PPARGC1A: variants seen among roughly 807,000 people sequenced by gnomAD.
PPARGC1A encodes the protein peroxisome proliferator-activated receptor gamma coactivator 1-alpha.
In PPARGC1A, 25 loss-of-function variants were observed where a neutral mutation model predicts 88.7. The ratio of observed to expected loss-of-function variants is 0.28; its 90% CI spans 0.21 to 0.39. The LOEUF (loss-of-function observed/expected upper bound fraction) is 0.39. PPARGC1A is among the 10% of genes least tolerant of loss of function. The probability of loss-of-function intolerance (pLI) is 1.00; values close to 1 mark genes in which losing one functional copy is unlikely to be tolerated. For missense variants in PPARGC1A, 880 were observed against 968.7 expected (o/e 0.91, Z 1.22); for synonymous variants, 363 against 355.6 (o/e 1.02, Z -0.24).
the PPARGC1A span, among the ~76,000 whole-genome samples, chr4:23,941,115 G>A: frequency 2.0e-5 from 3 of 152,142 alleles, no homozygotes; most frequent in African/African-American, 7.2e-5. Context: ...CAATGGTGCA[G>A]TCATAGCTCA....
the PPARGC1A span, among the ~76,000 whole-genome samples, chr4:23,978,099 A>G: frequency 6.6e-6 from 1 of 152,188 alleles, no homozygotes; most frequent in Non-Finnish European, 1.5e-5. Context: ...CAAATGTCCA[A>G]TTTGCATCCT....
the PPARGC1A span, among the ~76,000 whole-genome samples, chr4:24,319,010 CA>C: frequency 6.6e-6 from 1 of 151,890 alleles, no homozygotes; most frequent in Non-Finnish European, 1.5e-5. Context: ...AACAAACAAA[CA>C]AAATGAATTG....
At chr4:24,093,828 G>C in the PPARGC1A span, among the ~76,000 whole-genome samples, 3 of 152,126 alleles carry the variant, frequency 2.0e-5, no homozygotes, top group Non-Finnish European at 2.9e-5. Flanking sequence ...GTGTCCCTGG[G>C]CAGGTTACTC....
At chr4:24,337,562 G>A in the PPARGC1A span, among the ~76,000 whole-genome samples, 2 of 152,064 alleles carry the variant, frequency 1.3e-5, no homozygotes, top group African/African-American at 2.4e-5. Flanking sequence ...TGAGCGTGGG[G>A]AGATGATGTC....
At chr4:24,007,667 A>T in the PPARGC1A span, among the ~76,000 whole-genome samples, 1 of 152,180 alleles carries the variant, frequency 6.6e-6, no homozygotes, top group Non-Finnish European at 1.5e-5. Context: ...CCCAAAGAAC[A>T]TGGGAGGCAC....
At chr4:24,029,871 G>T in the PPARGC1A span, among the ~76,000 whole-genome samples, 9 of 152,264 alleles carry the variant, frequency 5.9e-5, no homozygotes, top group South Asian at 6.2e-4. Context: ...AAAACCTGAG[G>T]AAAATGCCCT....
the PPARGC1A span, among the ~76,000 whole-genome samples, chr4:24,435,472 C>G: frequency 6.6e-6 from 1 of 152,184 alleles, no homozygotes; most frequent in Non-Finnish European, 1.5e-5. Flanking sequence ...CTCATCAGAT[C>G]TCACCTAGAT....
the PPARGC1A span, among the ~76,000 whole-genome samples, chr4:24,432,925 A>G: frequency 7.9e-5 from 12 of 152,156 alleles, no homozygotes; most frequent in Admixed American, 2.0e-4. Flanking sequence ...GCACCTGGCA[A>G]TCTCTCTTTT....
chr4:24,305,022 TAC>T, the PPARGC1A span, among the ~76,000 whole-genome samples: 109 of 151,990 alleles, frequency 7.2e-4, 1 homozygote, highest in African/African-American at 2.6e-3. Flanking sequence ...TCTTGAAACT[TAC>T]AGTCAAGTAG....
chr4:24,100,996 G>C, the PPARGC1A span, among the ~76,000 whole-genome samples: 3 of 152,182 alleles, frequency 2.0e-5, no homozygotes, highest in African/African-American at 7.2e-5. Context: ...CACTTTCAGG[G>C]AGGAGGTGGT....
At chr4:24,094,461 T>C in the PPARGC1A span, among the ~76,000 whole-genome samples, 1 of 152,206 alleles carries the variant, frequency 6.6e-6, no homozygotes, top group Non-Finnish European at 1.5e-5. Flanking sequence ...CCAGTCTTGA[T>C]TTTTCCTGTT....
At chr4:24,083,231 T>C in the PPARGC1A span, among the ~76,000 whole-genome samples, 1 of 152,128 alleles carries the variant, frequency 6.6e-6, no homozygotes, top group African/African-American at 2.4e-5. Context: ...AGAAAACTAC[T>C]AGAAGAGAAC....
chr4:23,980,305 T>G, the PPARGC1A span, among the ~76,000 whole-genome samples: 5 of 152,026 alleles, frequency 3.3e-5, no homozygotes, highest in African/African-American at 4.8e-5. Flanking sequence ...CCTTTCTTTA[T>G]CATTTTAAAA....
At chr4:24,161,375 T>A in the PPARGC1A span, among the ~76,000 whole-genome samples, 1 of 152,028 alleles carries the variant, frequency 6.6e-6, no homozygotes, top group Non-Finnish European at 1.5e-5. Context: ...TCAGCTCAGG[T>A]TTCCCATGGA....
the PPARGC1A span, among the ~76,000 whole-genome samples, chr4:24,349,477 A>T: frequency 0.017 from 2,602 of 152,256 alleles, 68 homozygotes; most frequent in East Asian, 0.12. Context: ...ATTTTGCTGC[A>T]GCTGCTGTGG....
chr4:24,108,764 T>A, the PPARGC1A span, among the ~76,000 whole-genome samples: 1 of 152,168 alleles, frequency 6.6e-6, no homozygotes, highest in East Asian at 1.9e-4. Flanking sequence ...GAGCCTGGGG[T>A]TCATCCATGA....
At chr4:23,919,370 A>T in the PPARGC1A span, among the ~76,000 whole-genome samples, 4 of 152,064 alleles carry the variant, frequency 2.6e-5, no homozygotes, top group Non-Finnish European at 4.4e-5. Flanking sequence ...TCAATGTATT[A>T]AAATACATTG....
At chr4:24,284,345 C>A in the PPARGC1A span, among the ~76,000 whole-genome samples, 1 of 152,034 alleles carries the variant, frequency 6.6e-6, no homozygotes, top group Non-Finnish European at 1.5e-5. Context: ...ACAAAAAATG[C>A]GTACTCAAAG....
At chr4:23,843,260 T>C (rs1577474579) in intron 2 of PPARGC1A, among the ~76,000 whole-genome samples, 1 of 152,198 alleles carries the variant, frequency 6.6e-6, no homozygotes, top group East Asian at 1.9e-4. Context: ...CAACTTAAGA[T>C]TTTTTAAAGG....
Sources: gnomAD v4.1 joint callset for allele counts (sites outside exome capture counted in the v4.1 genomes callset) on GRCh38, gnomAD v4.1.1 for gene constraint, MANE v1.5 for transcripts, NCBI Gene and HGNC (gene_info 2026-07-23, HGNC 2026-07-21) for gene names.